PRKRA: variants seen among roughly 807,000 people sequenced by gnomAD.
PRKRA encodes the protein interferon-inducible double-stranded RNA-dependent protein kinase activator A.
PRKRA carries 22 observed loss-of-function variants against 32.4 expected under a neutral mutation model. The ratio of observed to expected loss-of-function variants is 0.68; its 90% confidence interval spans 0.49 to 0.97. The LOEUF is 0.97. Ranked by LOEUF, PRKRA falls within the 50% of genes least tolerant of loss-of-function variation. PRKRA has a pLI of 0.00. For synonymous variants in PRKRA, 139 were observed against 129.8 expected (o/e 1.07, Z -0.48); for missense variants, 319 against 375.6 (o/e 0.85, Z 1.25).
intron 5 of PRKRA, 97 bp from the exon 6 acceptor site, chr2:178,441,801 C>G (rs1290257325): frequency 1.3e-6 from 1 of 794,058 alleles, no homozygotes; most frequent in African/African-American, 1.9e-5. Context: ...CAGAGAACCT[C>G]ACGGTTTTTA....
chr2:178,438,845 ATTTT>A (rs1006959159), intron 6 of PRKRA: 10 of 146,562 alleles, frequency 6.8e-5, no homozygotes, highest in Non-Finnish European at 1.1e-4. Flanking sequence ...GGCCCGGCTA[ATTTT>A]TTTTTTTGTA....
chr2:178,451,166 C>A lies in PRKRA; in HGVS notation c.-136G>T, dbSNP rs1697627911. 1.8e-5 allele frequency: 18 copies of A among 1,012,208 alleles called. No individual in the cohort carries two copies. The East Asian group carries it at 4.5e-4, about 25-fold the overall frequency. 62.7% of individuals were successfully genotyped at this position (1,012,208 alleles called of 1,614,324 possible). A position where few individuals can be genotyped will look rare whatever the true frequency, so the allele number is the denominator to read the frequency against. ...TCCCCCGCCTCCTGCTTGCGTTGCT[C>A]CAGCGAGGGGGCAGGCAGGGTGGGG... is the stretch of plus-strand genomic sequence containing the variant. On this transcript the variant is annotated 5_prime_UTR_variant, in exon 1 of 8. Coordinates refer to ENST00000325748, the MANE Select transcript of PRKRA (RefSeq NM_003690.5).
chr2:178,450,436 C>CT, intron 1 of PRKRA, 25 bp from the exon 2 acceptor site: 2 of 949,660 alleles, frequency 2.1e-6, no homozygotes, highest in Non-Finnish European at 2.9e-6. Flanking sequence ...AAAAGGTGTG[C>CT]TTTGCATGCC....
chr2:178,448,088 G>C (rs898544433), intron 2 of PRKRA, among the ~76,000 whole-genome samples: 2 of 151,656 alleles, frequency 1.3e-5, no homozygotes, highest in African/African-American at 4.8e-5. Flanking sequence ...AAACTGCTTT[G>C]CTAGGCTGAG....
intron 4 of PRKRA, 166 bp from the exon 5 acceptor site, chr2:178,443,550 C>A: frequency 1.7e-6 from 1 of 576,674 alleles, no homozygotes; most frequent in South Asian, 2.0e-5. Flanking sequence ...GACATTCCCG[C>A]ATTTTATATT....
chr2:178,446,531 C>T (rs1355403008), intron 3 of PRKRA, among the ~76,000 whole-genome samples: 1 of 152,120 alleles, frequency 6.6e-6, no homozygotes, highest in Admixed American at 6.5e-5. Flanking sequence ...GACTAGGGAA[C>T]AAAAAACCCA....
chr2:178,444,588 T>G lies in PRKRA; in HGVS notation c.318-88A>C, dbSNP rs767713888. On this transcript the variant is annotated intron_variant, in intron 3 of 7. Transcript: ENST00000325748. Reference sequence around the variant, plus strand: ...CAAGCATTTTCTAATTAACTCTCTATGTCTTTGCTCTTGTCATTCCTTCTA... The same window carrying G: ...CAAGCATTTTCTAATTAACTCTCTAGGTCTTTGCTCTTGTCATTCCTTCTA... 62 of 801,652 alleles carry G rather than the reference T, an allele frequency of 7.7e-5. No individual in the cohort carries two copies. The South Asian group carries it at 9.4e-4, about 12-fold the overall frequency. The allele number at this position is 801,652 out of a possible 1,614,324, so 49.7% of individuals were successfully genotyped here.
intron 5 of PRKRA, among the ~76,000 whole-genome samples, chr2:178,442,053 T>G (rs1009168165): frequency 6.6e-5 from 10 of 152,004 alleles, no homozygotes; most frequent in African/African-American, 2.2e-4. Flanking sequence ...ACCTGGCTGA[T>G]TTTTTGTATT....
Position 178,432,009 on chromosome 2 carries a change from TA to T in PRKRA, c.*87del. 1 of 1,429,872 alleles carries T rather than the reference TA, an allele frequency of 7.0e-7. No individual in the cohort carries two copies. The highest frequency in any genetic ancestry group is 9.7e-7 in the Non-Finnish European group (1 of 1,026,550). 88.6% of individuals were successfully genotyped at this position (1,429,872 alleles called of 1,614,324 possible). On this transcript the variant is annotated 3_prime_UTR_variant, in exon 8 of 8. Transcript: ENST00000325748. The stretch of plus-strand genomic sequence containing the variant: ...TATGAAGAGATTTAGAAACAAGACA[TA>T]AACACTACGGTAAAAGTTTTACTTG...
intron 6 of PRKRA, among the ~76,000 whole-genome samples, chr2:178,437,819 C>T (rs932480985): frequency 2.0e-5 from 3 of 152,026 alleles, no homozygotes; most frequent in Admixed American, 1.3e-4. Context: ...TTCCCTTAAT[C>T]GTTTGCATTT....
chr2:178,432,021 T>TA lies in PRKRA; in HGVS notation c.*75dup. On this transcript the variant is annotated 3_prime_UTR_variant, in exon 8 of 8. Transcript: ENST00000325748. ...TAGAAACAAGACATAAACACTACGG[T>TA]AAAAGTTTTACTTGGGAAGGGGCCA... 6.6e-7 allele frequency: 1 copy of TA among 1,506,882 alleles called. No homozygotes were observed. The allele number at this position is 1,506,882 out of a possible 1,614,324, so 93.3% of individuals were successfully genotyped here. A position where few individuals can be genotyped will look rare whatever the true frequency, so the allele number is the denominator to read the frequency against.
intron 3 of PRKRA, among the ~76,000 whole-genome samples, chr2:178,446,264 C>G (rs1697310231): frequency 6.6e-6 from 1 of 152,204 alleles, no homozygotes; most frequent in Non-Finnish European, 1.5e-5. Flanking sequence ...ATCCACCCAC[C>G]TCAGCCTCCC....
chr2:178,432,195 T>C lies in PRKRA; in HGVS notation c.844A>G (p.Thr282Ala). ...GAGATACCGGAGCCATGACAGACTG[T>C]GATGGGGCTGGTGGACAGTTCAGCA... is the stretch of plus-strand genomic sequence containing the variant. Reference protein sequence around the residue: ...CLAELSTSPITVCHGSGISCG... With the variant: ...CLAELSTSPIAVCHGSGISCG... The change falls in exon 8 of 8, where the codon ACA becomes GCA. Residue 282 changes from threonine to alanine, a missense_variant. Transcript: ENST00000325748. 6.2e-7 allele frequency: 1 copy of C among 1,614,248 alleles called. No individual in the cohort carries two copies. Among genetic ancestry groups the C allele is most frequent in the Middle Eastern group, 1.6e-4 (1 of 6,062 alleles).
At position 178,450,988 on chromosome 2, in the gene PRKRA, G is replaced by A; in HGVS notation, c.43C>T (p.Arg15Cys). 3.2e-6 allele frequency: 5 copies of A among 1,562,886 alleles called. 1 individual carries two copies. The South Asian group carries it at 3.5e-5, about 11-fold the overall frequency. The part of the protein sequence containing the change: ...RHRAEAPPLE[R>C]EDSGTFSLGK... ...GACCTGAAGGTCCCACTGTCCTCGC[G>A]CTCCAGCGGCGGGGCCTCGGCGCGG... is the stretch of plus-strand genomic sequence containing the variant. Residue 15 changes from arginine (R) to cysteine (C), a missense_variant, in exon 1 of 8, where the codon CGC becomes TGC. Physicochemically the swap from Arg to Cys is radical, Grantham distance 180. Coordinates refer to ENST00000325748, the MANE Select transcript of PRKRA (RefSeq NM_003690.5).
chr2:178,434,360 C>G (rs943200680), intron 7 of PRKRA, among the ~76,000 whole-genome samples: 3 of 151,828 alleles, frequency 2.0e-5, no homozygotes, highest in African/African-American at 7.3e-5. Flanking sequence ...ATCTGCCCGA[C>G]TTGGCCTCCC....
intron 5 of PRKRA, among the ~76,000 whole-genome samples, chr2:178,442,621 T>C (rs1697159435): frequency 6.6e-6 from 1 of 152,220 alleles, no homozygotes; most frequent in African/African-American, 2.4e-5. Context: ...CTTTCTGTAC[T>C]GGCCACACTA....
chr2:178,446,118 G>A (rs1324853081), intron 3 of PRKRA, among the ~76,000 whole-genome samples: 1 of 151,862 alleles, frequency 6.6e-6, no homozygotes, highest in Non-Finnish European at 1.5e-5. Flanking sequence ...GGGTTCAAGC[G>A]ATTTTTGTGC....
chr2:178,434,988 G>A (rs974428873), intron 7 of PRKRA, among the ~76,000 whole-genome samples: 19 of 151,916 alleles, frequency 1.3e-4, no homozygotes, highest in Admixed American at 5.9e-4. Flanking sequence ...GGAGGCCGAG[G>A]TGGGTGGATC....
rs373977506 is a variant in PRKRA at position 178,444,501 on chromosome 2, CT to C, written c.318-2del. The C allele has an allele frequency of 2.9e-5, 45 of 1,578,516 alleles. No homozygotes were observed. The highest frequency in any genetic ancestry group is 3.8e-5 in the Non-Finnish European group (44 of 1,147,762). The stretch of plus-strand genomic sequence containing the variant: ...CATTAAGGGGTCAGGAACTGCAAAG[CT>C]AAATATTTTTTAAAAGTGTTATAAA... On this transcript the variant is annotated splice_acceptor_variant, in intron 3 of 7. Coordinates refer to ENST00000325748, the MANE Select transcript of PRKRA (RefSeq NM_003690.5). LOFTEE classifies it high-confidence loss of function.
Sources: allele counts gnomAD v4.1 joint callset (sites outside exome capture counted in the v4.1 genomes callset), GRCh38; gene constraint gnomAD v4.1.1; transcripts MANE v1.5; gene names NCBI Gene and HGNC (gene_info 2026-07-23, HGNC 2026-07-21).